CEP192: variants seen among roughly 807,000 people sequenced by gnomAD.
The protein encoded by CEP192 is centrosomal protein of 192 kDa.
Under a neutral mutation model 271.8 loss-of-function variants are expected in CEP192, and 151 were observed. The observed-to-expected ratio is 0.56, with a 90% CI of 0.49 to 0.64. The LOEUF is 0.64. Among genes scored for constraint, CEP192 ranks in the 30% least tolerant of loss-of-function variants. CEP192 has a pLI of 0.00. For missense variants in CEP192, 2,910 were observed against 3,020.5 expected, an observed-to-expected ratio of 0.96 and a Z score of 0.86; for synonymous variants, 995 against 1,076.5, an observed-to-expected ratio of 0.92 and a Z score of 1.48.
intron 21 of CEP192, among the ~76,000 whole-genome samples, chr18:13,063,274 T>C (rs990316670): frequency 1.3e-5 from 2 of 152,212 alleles, no homozygotes; most frequent in Non-Finnish European, 2.9e-5. Context: ...AATTATTAGT[T>C]TTTTGAGGAA....
At position 13,069,821 on chromosome 18, in the gene CEP192, A is replaced by G. The variant is rs149675767; in HGVS notation, c.5139A>G (p.Ser1713=). ...GAGAAGAACATGAGGTTATTGTTTC[A>G]TTTACTCCAAAGGATCCTGAAGCCT... ...KPGEEHEVIV[S]FTPKDPEACE... is the part of the protein sequence containing the mutation. Residue 1713 remains serine, a synonymous_variant, in exon 27 of 45, where the codon TCA becomes TCG. Coordinates refer to ENST00000506447, the MANE Select transcript of CEP192 (RefSeq NM_032142.4). The G allele has an allele frequency of 1.1e-5, 17 of 1,600,858 alleles. No homozygotes were observed. The highest frequency in any genetic ancestry group is 1.7e-5 in the Admixed American group (1 of 59,966).
At chr18:13,022,825 T>C (rs1416427002) in intron 9 of CEP192, among the ~76,000 whole-genome samples, 1 of 152,242 alleles carries the variant, frequency 6.6e-6, no homozygotes, top group Non-Finnish European at 1.5e-5. Context: ...GAACATTGAA[T>C]ATCTCTCTAT....
At position 13,030,064 on chromosome 18, in the gene CEP192, C is replaced by T. The variant is rs2035530222; in HGVS notation, c.1390+62C>T. Reference sequence around the variant, plus strand: ...AGATGTTCATACATTTTGAATAGGACATATTTTCATGTGAAATGTGCCAGT... The same window carrying T: ...AGATGTTCATACATTTTGAATAGGATATATTTTCATGTGAAATGTGCCAGT... On this transcript the variant is annotated intron_variant, in intron 10 of 44. Coordinates refer to ENST00000506447, the MANE Select transcript of CEP192 (RefSeq NM_032142.4). 3.2e-6 allele frequency: 4 copies of T among 1,232,134 alleles called. No individual in the cohort carries two copies. In the South Asian group the frequency reaches 6.2e-5, roughly 19 times the overall value. The allele number at this position is 1,232,134 out of a possible 1,614,324, so 76.3% of individuals were successfully genotyped here.
At chr18:13,034,883 C>T (rs561425774) in intron 11 of CEP192, among the ~76,000 whole-genome samples, 21 of 151,516 alleles carry the variant, frequency 1.4e-4, no homozygotes, top group Admixed American at 1.1e-3. Flanking sequence ...TCCTTGCCGA[C>T]AGCTCAGCTC....
intron 7 of CEP192, 100 bp downstream of exon 7, chr18:13,017,436 A>G: frequency 1.1e-6 from 1 of 908,532 alleles, no homozygotes; most frequent in Non-Finnish European, 1.6e-6. Context: ...TGGACTTTGG[A>G]CTTTTCTTTG....
At chr18:13,057,827 G>A (rs1420007539) in intron 20 of CEP192, 94 bp downstream of exon 20, 41 of 1,193,894 alleles carry the variant, frequency 3.4e-5, no homozygotes, top group Middle Eastern at 2.9e-4. Flanking sequence ...CTCCCTTCAC[G>A]CCTTTATTAA....
chr18:13,099,262 A>G (rs1182847828), intron 36 of CEP192, among the ~76,000 whole-genome samples: 1 of 151,918 alleles, frequency 6.6e-6, no homozygotes, highest in Non-Finnish European at 1.5e-5. Flanking sequence ...TCATGGGTTC[A>G]TGCTGGTGAG....
intron 30 of CEP192, among the ~76,000 whole-genome samples, chr18:13,078,719 T>A (rs1344695526): frequency 1.3e-5 from 2 of 152,190 alleles, no homozygotes; most frequent in African/African-American, 4.8e-5. Context: ...TGTGCCTTGT[T>A]GGTTTACTGC....
At chr18:13,093,912 A>G (rs1386211071) in intron 34 of CEP192, among the ~76,000 whole-genome samples, 2 of 152,214 alleles carry the variant, frequency 1.3e-5, no homozygotes. Context: ...ATTTCACCAA[A>G]TCACCTTTCT....
At chr18:13,013,973 A>G (rs2034504320) in intron 5 of CEP192, among the ~76,000 whole-genome samples, 1 of 152,236 alleles carries the variant, frequency 6.6e-6, no homozygotes. Context: ...TGTTTTTGTA[A>G]AGTTTTATTG....
At chr18:13,116,884 C>T (rs2040458188) in intron 43 of CEP192, among the ~76,000 whole-genome samples, 1 of 152,168 alleles carries the variant, frequency 6.6e-6, no homozygotes, top group Admixed American at 6.5e-5. Flanking sequence ...GCTGGGATTA[C>T]AGGCGTGTGC....
chr18:13,118,669 T>C (rs950758455), intron 44 of CEP192, among the ~76,000 whole-genome samples: 1 of 152,246 alleles, frequency 6.6e-6, no homozygotes, highest in African/African-American at 2.4e-5. Context: ...ATAAACTTGA[T>C]AAACTCTTTG....
intron 20 of CEP192, 63 bp downstream of exon 20, chr18:13,057,796 C>A: frequency 2.0e-6 from 3 of 1,518,892 alleles, no homozygotes; most frequent in Non-Finnish European, 2.7e-6. Flanking sequence ...GCTTGATTTC[C>A]CCCATCTCTA....
At chr18:13,062,563 ATTTTT>A (rs1158162338) in intron 21 of CEP192, among the ~76,000 whole-genome samples, 2 of 150,226 alleles carry the variant, frequency 1.3e-5, no homozygotes, top group Non-Finnish European at 3.0e-5. Context: ...GTGGTATGGA[ATTTTT>A]TTTAATTTAA....
intron 30 of CEP192, among the ~76,000 whole-genome samples, chr18:13,083,842 CTGTT>C (rs1004084861): frequency 2.0e-5 from 3 of 152,144 alleles, no homozygotes; most frequent in Non-Finnish European, 2.9e-5. Flanking sequence ...GTGTTCCTTT[CTGTT>C]TGTTAGTTTT....
At chr18:13,111,341 G>A (rs2040200465) in intron 40 of CEP192, among the ~76,000 whole-genome samples, 1 of 152,154 alleles carries the variant, frequency 6.6e-6, no homozygotes, top group African/African-American at 2.4e-5. Context: ...TAGCCAGGAT[G>A]GTCTCGATCT....
rs1190335836 is a variant in CEP192 at position 13,096,170 on chromosome 18, A to G, written c.6434-14A>G. ...GTTAAATGTAAGTCACATTTTATGT[A>G]TCTGACAAAATAGGTGACATGGCAA... On this transcript the variant is annotated splice_polypyrimidine_tract_variant and intron_variant, in intron 35 of 44. Coordinates refer to ENST00000506447, the MANE Select transcript of CEP192 (RefSeq NM_032142.4). 6 of 1,612,738 alleles carry G rather than the reference A, an allele frequency of 3.7e-6. No individual in the cohort carries two copies. The highest frequency in any genetic ancestry group is 5.1e-6 in the Non-Finnish European group (6 of 1,179,298).
intron 30 of CEP192, among the ~76,000 whole-genome samples, chr18:13,083,748 G>A (rs1306449978): frequency 6.6e-6 from 1 of 152,178 alleles, no homozygotes; most frequent in Non-Finnish European, 1.5e-5. Context: ...CCCCATCTTT[G>A]TGGTTTTATC....
At position 13,017,191 on chromosome 18, in the gene CEP192, ATGATAT is replaced by A. The variant is rs2034701556; in HGVS notation, c.649_654del (p.Ile217_Asp218del). On this transcript the variant is annotated inframe_deletion, in exon 7 of 45. Transcript: ENST00000506447. Reference sequence around the variant, plus strand: ...TTTTTCTCGATTTTATCAATAGATGATGATATTGATGATGAAATGTTTTATGATGAT... The same window carrying A: ...TTTTTCTCGATTTTATCAATAGATGATGATGATGAAATGTTTTATGATGAT... 6.5e-7 allele frequency: 1 copy of A among 1,539,352 alleles called. No individual in the cohort carries two copies. Among genetic ancestry groups the A allele is most frequent in the Non-Finnish European group, 8.8e-7 (1 of 1,142,712 alleles).
Sources: gnomAD v4.1 joint callset for allele counts (sites outside exome capture counted in the v4.1 genomes callset) on GRCh38, gnomAD v4.1.1 for gene constraint, MANE v1.5 for transcripts, NCBI Gene and HGNC (gene_info 2026-07-23, HGNC 2026-07-21) for gene names.